SLC22A4: variants seen among roughly 807,000 people sequenced by gnomAD.
SLC22A4 encodes the protein ET transporter.
SLC22A4 carries 39 observed loss-of-function variants against 56.6 expected under a neutral mutation model. The ratio of observed to expected loss-of-function variants is 0.69; its 90% confidence interval spans 0.53 to 0.90. The LOEUF (loss-of-function observed/expected upper bound fraction) is 0.90, where lower values mean the gene tolerates loss of function less well. Among genes scored for constraint, SLC22A4 ranks in the 40% least tolerant of loss-of-function variants. The pLI, the probability that SLC22A4 is intolerant of heterozygous loss-of-function variation, is 0.00. For missense variants in SLC22A4, 594 were observed against 696.5 expected (o/e 0.85, Z 1.66); for synonymous variants, 241 against 281.4 (o/e 0.86, Z 1.44).
intron 3 of SLC22A4, among the ~76,000 whole-genome samples, chr5:132,321,780 C>T (rs1288573063): frequency 1.3e-5 from 2 of 152,008 alleles, no homozygotes; most frequent in African/African-American, 2.4e-5. Context: ...TGGTGGTGCA[C>T]GCCTGTAGTT....
At chr5:132,306,387 AT>A (rs1561535699) in intron 1 of SLC22A4, among the ~76,000 whole-genome samples, 10,958 of 21,152 alleles carry the variant, frequency 0.52, 1,258 homozygotes, top group East Asian at 0.61. Flanking sequence ...ACCGTGAAAT[AT>A]ATATATATAT....
At chr5:132,306,693 G>T (rs185005966) in intron 1 of SLC22A4, among the ~76,000 whole-genome samples, 1 of 151,474 alleles carries the variant, frequency 6.6e-6, no homozygotes, top group Non-Finnish European at 1.5e-5. Flanking sequence ...TGACCCACCC[G>T]CCTCGGCCTC....
At chr5:132,322,485 G>C (rs1750575209) in intron 4 of SLC22A4, 130 bp downstream of exon 4, 1 of 878,140 alleles carries the variant, frequency 1.1e-6, no homozygotes, top group Admixed American at 2.0e-5. Context: ...CAGCTTCCAA[G>C]CCGGGAGAGT....
intron 8 of SLC22A4, among the ~76,000 whole-genome samples, chr5:132,338,075 G>A (rs1202074911): frequency 2.6e-5 from 4 of 152,036 alleles, no homozygotes; most frequent in Middle Eastern, 3.4e-3. Context: ...GGTGTATATC[G>A]GGCAAAATTC....
intron 8 of SLC22A4, among the ~76,000 whole-genome samples, chr5:132,336,519 T>A (rs1021447881): frequency 6.6e-6 from 1 of 152,058 alleles, no homozygotes; most frequent in African/African-American, 2.4e-5. Context: ...AGCAAAACTC[T>A]GTCTCAAAAA....
chr5:132,332,261 CCT>C, intron 6 of SLC22A4: 2 of 289,306 alleles, frequency 6.9e-6, no homozygotes, highest in Non-Finnish European at 1.3e-5. Flanking sequence ...TTCCAGTGAG[CCT>C]TGATCGCACT....
intron 5 of SLC22A4, among the ~76,000 whole-genome samples, chr5:132,329,473 CTTTTTT>C (rs4646198): frequency 6.9e-6 from 1 of 145,336 alleles, no homozygotes; most frequent in African/African-American, 2.5e-5. Context: ...ATTGCTCATG[CTTTTTT>C]TTTTTTTCAA....
intron 1 of SLC22A4, among the ~76,000 whole-genome samples, chr5:132,310,073 T>G (rs1750143876): frequency 6.6e-6 from 1 of 152,230 alleles, no homozygotes; most frequent in East Asian, 1.9e-4. Context: ...CCTGGGTAAT[T>G]GTCTCCTGGT....
At chr5:132,295,482 T>G in intron 1 of SLC22A4, 1 of 358,954 alleles carries the variant, frequency 2.8e-6, no homozygotes, top group South Asian at 2.1e-5. Flanking sequence ...CATATACTTG[T>G]GAGGTTTGGG....
intron 1 of SLC22A4, among the ~76,000 whole-genome samples, chr5:132,306,384 A>AATATATAT (rs55779142): frequency 6.5e-5 from 2 of 30,608 alleles, no homozygotes; most frequent in Admixed American, 4.8e-4. Context: ...CAAACCGTGA[A>AATATATAT]ATATATATAT....
At chr5:132,316,930 T>C (rs1387272780) in intron 3 of SLC22A4, among the ~76,000 whole-genome samples, 1 of 152,224 alleles carries the variant, frequency 6.6e-6, no homozygotes, top group African/African-American at 2.4e-5. Context: ...TTTTCCACAG[T>C]TGTGGAGGGT....
intron 4 of SLC22A4, chr5:132,324,371 T>A: frequency 2.6e-6 from 1 of 379,412 alleles, no homozygotes; most frequent in South Asian, 2.0e-5. Context: ...CCCTCCAGAG[T>A]CAGCCTCCAG....
chr5:132,299,451 T>G (rs908510488), intron 1 of SLC22A4, among the ~76,000 whole-genome samples: 2 of 151,792 alleles, frequency 1.3e-5, no homozygotes, highest in Non-Finnish European at 2.9e-5. Flanking sequence ...TGGAGTTTCT[T>G]TCTTCGTTCT....
intron 8 of SLC22A4, among the ~76,000 whole-genome samples, chr5:132,336,364 A>C (rs1046506616): frequency 1.3e-5 from 2 of 152,068 alleles, no homozygotes; most frequent in Non-Finnish European, 2.9e-5. Flanking sequence ...TCTCTACTAA[A>C]AATAAAAAAA....
intron 4 of SLC22A4, among the ~76,000 whole-genome samples, chr5:132,326,379 A>G (rs1199824047): frequency 6.6e-6 from 1 of 152,246 alleles, no homozygotes; most frequent in African/African-American, 2.4e-5. Context: ...TACTGTACTG[A>G]AAGTGAACAA....
chr5:132,336,101 A>C (rs1751019423), intron 8 of SLC22A4, 101 bp downstream of exon 8: 1 of 1,232,422 alleles, frequency 8.1e-7, no homozygotes, highest in Non-Finnish European at 1.2e-6. Context: ...AATGTACTGG[A>C]AAAAAGTACA....
chr5:132,303,890 A>C (rs1311340934), intron 1 of SLC22A4, among the ~76,000 whole-genome samples: 1 of 152,116 alleles, frequency 6.6e-6, no homozygotes, highest in African/African-American at 2.4e-5. Flanking sequence ...CAGCGGGGAG[A>C]GATAATCCAA....
At chr5:132,340,070 T>G (rs1001124026) in intron 8 of SLC22A4, among the ~76,000 whole-genome samples, 5 of 45,100 alleles carry the variant, frequency 1.1e-4, no homozygotes, top group East Asian at 9.5e-4. Flanking sequence ...GTTGTTTTTT[T>G]TTTTTTTTTT....
intron 9 of SLC22A4, among the ~76,000 whole-genome samples, chr5:132,341,216 G>A (rs34381066): frequency 6.6e-6 from 1 of 151,970 alleles, no homozygotes; most frequent in African/African-American, 2.4e-5. Context: ...TCAAGAGATC[G>A]AGACCATCCT....
Sources: gnomAD v4.1 joint callset for allele counts (sites outside exome capture counted in the v4.1 genomes callset) on GRCh38, gnomAD v4.1.1 for gene constraint, MANE v1.5 for transcripts, NCBI Gene and HGNC (gene_info 2026-07-23, HGNC 2026-07-21) for gene names.